The following CSMD1 variants were observed in gnomAD, a reference collection of about 807,000 sequenced individuals.
The protein encoded by CSMD1 is CUB and Sushi multiple domains 1.
CSMD1 carries 213 observed loss-of-function variants against 417.5 expected under a neutral mutation model. That is an observed-to-expected ratio of 0.51 (90% CI 0.46 to 0.57). The LOEUF (loss-of-function observed/expected upper bound fraction) is 0.57, where lower values mean the gene tolerates loss of function less well. Among genes scored for constraint, CSMD1 ranks in the 20% least tolerant of loss-of-function variants. The pLI is 0.00. For missense variants in CSMD1, 6,923 were observed against 4,529.7 expected (o/e 1.53, Z -15.17); for synonymous variants, 2,862 against 1,736.8 (o/e 1.65, Z -16.11).
chr8:4,340,429 A>T (rs1191774176), intron 3 of CSMD1, among the ~76,000 whole-genome samples: 1 of 152,072 alleles, frequency 6.6e-6, no homozygotes, highest in African/African-American at 2.4e-5. Context: ...AAACTCCTCA[A>T]TTAAGCTGCG....
intron 26 of CSMD1, among the ~76,000 whole-genome samples, chr8:3,264,471 G>C (rs1006580645): frequency 6.6e-6 from 1 of 152,170 alleles, no homozygotes; most frequent in Non-Finnish European, 1.5e-5. Flanking sequence ...ATCGAGTGAG[G>C]TGATCAGGAG....
chr8:4,988,363 C>G (rs1196967016), intron 1 of CSMD1, among the ~76,000 whole-genome samples: 2 of 152,094 alleles, frequency 1.3e-5, no homozygotes, highest in Non-Finnish European at 2.9e-5. Context: ...ATAACTTTTA[C>G]CAAGCTAAAA....
chr8:4,787,760 T>G (rs767648716), intron 1 of CSMD1: 47 of 1,585,788 alleles, frequency 3.0e-5, no homozygotes, highest in Admixed American at 2.0e-4. Flanking sequence ...GCTGCAAAAT[T>G]TTGCTTCGCT....
At chr8:3,543,577 T>A (rs1246900599) in intron 10 of CSMD1, among the ~76,000 whole-genome samples, 1 of 151,724 alleles carries the variant, frequency 6.6e-6, no homozygotes, top group Non-Finnish European at 1.5e-5. Context: ...CTGATGAATG[T>A]GGGGTATGAG....
chr8:3,220,149 T>G (rs1798115850), intron 28 of CSMD1, among the ~76,000 whole-genome samples: 1 of 75,570 alleles, frequency 1.3e-5, no homozygotes, highest in Non-Finnish European at 2.7e-5. Flanking sequence ...CAAGACCCTG[T>G]CAAAAAAAAA....
intron 25 of CSMD1, among the ~76,000 whole-genome samples, chr8:3,291,624 A>T (rs928125547): frequency 6.6e-6 from 1 of 152,074 alleles, no homozygotes; most frequent in Non-Finnish European, 1.5e-5. Context: ...AGAGGTGTTT[A>T]TAGTATTCTC....
chr8:4,350,123 C>A (rs1455593689), intron 3 of CSMD1, among the ~76,000 whole-genome samples: 3 of 152,154 alleles, frequency 2.0e-5, no homozygotes, highest in African/African-American at 7.2e-5. Flanking sequence ...TCAGATTCAT[C>A]CCAAACTTCA....
At chr8:4,019,154 A>G (rs548333201) in intron 4 of CSMD1, among the ~76,000 whole-genome samples, 74 of 152,310 alleles carry the variant, frequency 4.9e-4, no homozygotes, top group Middle Eastern at 3.4e-3. Flanking sequence ...AGAAAAAGGA[A>G]AGAAACACAA....
In CSMD1 at chr8:3,406,419, G is replaced by T. The variant is rs541928182; in HGVS notation, c.2072-198C>A. Among the ~76,000 whole-genome samples the T allele has an allele frequency of 4.1e-4, 62 of 152,072 alleles. 1 individual carries two copies. The highest frequency in any genetic ancestry group is 7.1e-4 in the Non-Finnish European group (48 of 68,010). On this transcript the variant is annotated intron_variant, in intron 14 of 69. Coordinates refer to ENST00000635120, the MANE Select transcript of CSMD1 (RefSeq NM_033225.6). ...GTGTCTAGTGAGAAAGAGCGAGCAG[G>T]GAGATGAACAAATATAACTATCATT...
intron 10 of CSMD1, among the ~76,000 whole-genome samples, chr8:3,527,362 A>G (rs1292520581): frequency 6.6e-6 from 1 of 152,140 alleles, no homozygotes; most frequent in African/African-American, 2.4e-5. Flanking sequence ...AAAAGGTTAC[A>G]TAGTGTATGA....
chr8:4,613,563 C>T (rs1002156560), intron 2 of CSMD1, among the ~76,000 whole-genome samples: 1 of 152,186 alleles, frequency 6.6e-6, no homozygotes, highest in African/African-American at 2.4e-5. Flanking sequence ...ACAATGACTA[C>T]AGTTAAGTGA....
At chr8:4,575,971 C>A (rs1468638411) in intron 2 of CSMD1, among the ~76,000 whole-genome samples, 1 of 152,226 alleles carries the variant, frequency 6.6e-6, no homozygotes, top group Non-Finnish European at 1.5e-5. Context: ...AAATCCACCT[C>A]CACCACCACA....
chr8:3,110,507 T>G (rs1014599352), intron 42 of CSMD1, among the ~76,000 whole-genome samples, 172 bp from the exon 43 acceptor site: 6 of 152,220 alleles, frequency 3.9e-5, no homozygotes, highest in Admixed American at 6.5e-5. Flanking sequence ...TCTGAAGACC[T>G]TAGAAGAATT....
intron 2 of CSMD1, among the ~76,000 whole-genome samples, chr8:4,567,349 C>A (rs1384389837): frequency 1.3e-5 from 2 of 152,122 alleles, no homozygotes; most frequent in Non-Finnish European, 2.9e-5. Context: ...ACAAGTGAAA[C>A]ATGCACTTGG....
intron 2 of CSMD1, among the ~76,000 whole-genome samples, chr8:4,584,023 C>G (rs887881388): frequency 1.3e-5 from 2 of 151,834 alleles, no homozygotes; most frequent in African/African-American, 4.8e-5. Context: ...CCAGATGCGC[C>G]GCCTTAAGAG....
At chr8:3,814,330 A>G (rs1257516790) in intron 5 of CSMD1, among the ~76,000 whole-genome samples, 1 of 152,228 alleles carries the variant, frequency 6.6e-6, no homozygotes, top group African/African-American at 2.4e-5. Flanking sequence ...AACCAGAGCC[A>G]GTTATCTGAC....
At chr8:3,919,714 G>A (rs1809096842) in intron 5 of CSMD1, among the ~76,000 whole-genome samples, 1 of 152,054 alleles carries the variant, frequency 6.6e-6, no homozygotes, top group Non-Finnish European at 1.5e-5. Flanking sequence ...ATCTGTAGAT[G>A]ACTTTGCGTA....
chr8:3,987,257 C>T (rs989241815), intron 5 of CSMD1, among the ~76,000 whole-genome samples: 2 of 152,216 alleles, frequency 1.3e-5, no homozygotes, highest in African/African-American at 4.8e-5. Flanking sequence ...TGCTCAAAGG[C>T]TACACACAGC....
intron 4 of CSMD1, among the ~76,000 whole-genome samples, chr8:4,025,836 A>C (rs73183917): frequency 6.6e-6 from 1 of 152,120 alleles, no homozygotes; most frequent in East Asian, 1.9e-4. Context: ...ATTTTCTATT[A>C]ATTAAATATA....
Sources: gnomAD v4.1 joint callset for allele counts (sites outside exome capture counted in the v4.1 genomes callset) on GRCh38, gnomAD v4.1.1 for gene constraint, MANE v1.5 for transcripts, NCBI Gene and HGNC (gene_info 2026-07-23, HGNC 2026-07-21) for gene names.